The following MITF variants were observed in gnomAD, a reference collection of about 807,000 sequenced individuals.
The protein encoded by MITF is microphthalmia-associated transcription factor.
MITF carries 17 observed loss-of-function variants against 60.5 expected under a neutral mutation model. That is an observed-to-expected ratio of 0.28 (90% CI 0.19 to 0.42). The LOEUF (loss-of-function observed/expected upper bound fraction) is 0.42, where lower values mean the gene tolerates loss of function less well. Ranked by LOEUF, MITF falls within the 10% of genes least tolerant of loss-of-function variation. MITF has a pLI of 1.00. For synonymous variants in MITF, 260 were observed against 248.5 expected, an observed-to-expected ratio of 1.05 and a Z score of -0.43; for missense variants, 622 against 683.5, an observed-to-expected ratio of 0.91 and a Z score of 1.00.
rs1224552937 is a variant in MITF at position 69,967,265 on chromosome 3, T to C, written c.*2017T>C. 2 of 232,350 alleles carry C rather than the reference T, an allele frequency of 8.6e-6. No homozygotes were observed. Among genetic ancestry groups the C allele is most frequent in the Non-Finnish European group, 1.7e-5 (2 of 117,324 alleles). The allele number at this position is 232,350 out of a possible 1,614,324, so 14.4% of individuals were successfully genotyped here. A position where few individuals can be genotyped will look rare whatever the true frequency, so the allele number is the denominator to read the frequency against. On this transcript the variant is annotated 3_prime_UTR_variant, in exon 10 of 10. Transcript: ENST00000352241. ...TCTTAAGGGGGTAGGGAAAATTAGT[T>C]CCCATTCTTTCAACCCCCTTAACTG...
At chr3:69,882,031 T>C (rs1264456064) in intron 2 of MITF, among the ~76,000 whole-genome samples, 1 of 152,202 alleles carries the variant, frequency 6.6e-6, no homozygotes, top group African/African-American at 2.4e-5. Flanking sequence ...TTAGTTTTCA[T>C]ACACACACAA....
chr3:69,865,203 C>T (rs1447443818), intron 1 of MITF, among the ~76,000 whole-genome samples: 1 of 152,126 alleles, frequency 6.6e-6, no homozygotes, highest in Non-Finnish European at 1.5e-5. Context: ...AAGATAATTT[C>T]ATTATATCAC....
intron 1 of MITF, among the ~76,000 whole-genome samples, chr3:69,797,601 C>T (rs2062852086): frequency 6.6e-6 from 1 of 152,146 alleles, no homozygotes; most frequent in Non-Finnish European, 1.5e-5. Context: ...CTTGAATTCT[C>T]ATAGTTTAAT....
At chr3:69,787,447 C>G (rs936142831) in intron 1 of MITF, among the ~76,000 whole-genome samples, 1 of 152,160 alleles carries the variant, frequency 6.6e-6, no homozygotes, top group Non-Finnish European at 1.5e-5. Context: ...CAAGGTTTAA[C>G]TTGTAAAGGA....
At chr3:69,874,535 T>C (rs1209534943) in intron 1 of MITF, among the ~76,000 whole-genome samples, 1 of 152,212 alleles carries the variant, frequency 6.6e-6, no homozygotes, top group Non-Finnish European at 1.5e-5. Context: ...GAGGCAGATG[T>C]ATTGCGAAGC....
intron 1 of MITF, chr3:69,764,012 A>G (rs1435282756): frequency 3.8e-5 from 44 of 1,170,546 alleles, no homozygotes; most frequent in Non-Finnish European, 5.0e-5. Context: ...AAGGGATGTC[A>G]ATCTTTATAT....
intron 2 of MITF, among the ~76,000 whole-genome samples, chr3:69,900,077 A>G (rs986245899): frequency 1.3e-5 from 2 of 152,144 alleles, no homozygotes; most frequent in Non-Finnish European, 2.9e-5. Flanking sequence ...AAGTCTTTGC[A>G]TATTAGGAGG....
intron 2 of MITF, among the ~76,000 whole-genome samples, chr3:69,900,615 G>A (rs1473338950): frequency 6.6e-6 from 1 of 152,170 alleles, no homozygotes; most frequent in African/African-American, 2.4e-5. Context: ...AAAAGGGGGA[G>A]GCAGAAGCCT....
At chr3:69,834,253 G>A (rs541794043) in intron 1 of MITF, among the ~76,000 whole-genome samples, 127 of 152,252 alleles carry the variant, frequency 8.3e-4, no homozygotes, top group African/African-American at 2.5e-3. Context: ...TAGAACACCA[G>A]AAGTTATTCC....
chr3:69,829,871 G>A (rs1331892768), intron 1 of MITF, among the ~76,000 whole-genome samples: 1 of 152,204 alleles, frequency 6.6e-6, no homozygotes, highest in Non-Finnish European at 1.5e-5. Context: ...AGTGATGCCT[G>A]AGGATGGCAT....
At chr3:69,935,449 C>T (rs2065811432) in intron 2 of MITF, among the ~76,000 whole-genome samples, 1 of 152,100 alleles carries the variant, frequency 6.6e-6, no homozygotes, top group Non-Finnish European at 1.5e-5. Flanking sequence ...TAAGCACATT[C>T]TACTCATTGC....
intron 3 of MITF, chr3:69,938,889 A>G: frequency 3.4e-6 from 5 of 1,452,910 alleles, no homozygotes; most frequent in South Asian, 3.0e-5. Context: ...GCCCAAACCA[A>G]CTGCTTTATT....
intron 2 of MITF, among the ~76,000 whole-genome samples, chr3:69,932,483 G>A (rs537008770): frequency 2.0e-5 from 3 of 152,068 alleles, no homozygotes; most frequent in Non-Finnish European, 4.4e-5. Context: ...GACTCCTGTT[G>A]TAGAGAAAAA....
intron 1 of MITF, among the ~76,000 whole-genome samples, chr3:69,783,309 G>C (rs1401097849): frequency 6.6e-6 from 1 of 152,014 alleles, no homozygotes; most frequent in Non-Finnish European, 1.5e-5. Flanking sequence ...TACAGTATTA[G>C]ATTTCTAACA....
At chr3:69,807,908 A>G (rs1386687180) in intron 1 of MITF, among the ~76,000 whole-genome samples, 1 of 151,884 alleles carries the variant, frequency 6.6e-6, no homozygotes, top group African/African-American at 2.4e-5. Flanking sequence ...TTTGTTTAGC[A>G]GTTTGTTAGA....
chr3:69,780,899 A>G (rs183599503), intron 1 of MITF, among the ~76,000 whole-genome samples: 3 of 152,332 alleles, frequency 2.0e-5, no homozygotes, highest in Admixed American at 1.3e-4. Context: ...CAAAGCATGA[A>G]TGATGGGAGG....
At chr3:69,747,295 G>A (rs1036224914) in intron 1 of MITF, among the ~76,000 whole-genome samples, 1 of 152,208 alleles carries the variant, frequency 6.6e-6, no homozygotes, top group Non-Finnish European at 1.5e-5. Flanking sequence ...TTGGTAGAAT[G>A]GGCCTATGAA....
chr3:69,825,178 G>T (rs534328171), intron 1 of MITF, among the ~76,000 whole-genome samples: 2 of 152,056 alleles, frequency 1.3e-5, no homozygotes, highest in Non-Finnish European at 2.9e-5. Flanking sequence ...GTTAATATAG[G>T]GTCCCATCAA....
At chr3:69,912,654 C>A (rs1238421626) in intron 2 of MITF, among the ~76,000 whole-genome samples, 1 of 152,184 alleles carries the variant, frequency 6.6e-6, no homozygotes, top group Non-Finnish European at 1.5e-5. Context: ...AAGCCACACA[C>A]AGAAATTGTT....
Sources: gnomAD v4.1 joint callset for allele counts (sites outside exome capture counted in the v4.1 genomes callset) on GRCh38, gnomAD v4.1.1 for gene constraint, MANE v1.5 for transcripts, NCBI Gene and HGNC (gene_info 2026-07-23, HGNC 2026-07-21) for gene names.